Variants in CD44 observed in about 807,000 individuals in gnomAD.
The protein encoded by CD44 is CD44 antigen.
A neutral mutation model predicts 88.8 loss-of-function variants in CD44; 49 were observed. The ratio of observed to expected loss-of-function variants is 0.55; its 90% CI spans 0.44 to 0.70. CD44 has a LOEUF of 0.70. CD44 is among the 30% of genes least tolerant of loss of function. The probability of loss-of-function intolerance (pLI) is 0.00; values close to 1 mark genes in which losing one functional copy is unlikely to be tolerated. For synonymous variants in CD44, 325 were observed against 312.3 expected, an observed-to-expected ratio of 1.04 and a Z score of -0.43; for missense variants, 883 against 913.8, an observed-to-expected ratio of 0.97 and a Z score of 0.43.
chr11:35,165,915 C>T (rs1943212600), intron 1 of CD44, among the ~76,000 whole-genome samples: 1 of 152,140 alleles, frequency 6.6e-6, no homozygotes. Flanking sequence ...CATCCTACCT[C>T]AACTGTTACG....
Position 35,176,613 on chromosome 11 carries a change from G to A in CD44, c.106G>A (p.Val36Met), listed in dbSNP as rs989971374. ...ITCRFAGVFH[V>M]EKNGRYSISR... ...CTGCCGCTTTGCAGGTGTATTCCAC[G>A]TGGAGAAAAATGGTCGCTACAGCAT... The change falls in exon 2 of 18, where the codon GTG becomes ATG. Residue 36 changes from valine (V) to methionine (M), a missense_variant. By Grantham distance (21) the Val-to-Met change is conservative (BLOSUM62 1). This residue lies in a region of CD44 where 252 missense variants were observed against 322.9 expected (regional missense o/e 0.78). Coordinates refer to ENST00000428726, the MANE Select transcript of CD44 (RefSeq NM_000610.4). The A allele has an allele frequency of 6.2e-7, 1 of 1,613,982 alleles. No homozygotes were observed. Among genetic ancestry groups the A allele is most frequent in the Admixed American group, 1.7e-5 (1 of 59,984 alleles).
At chr11:35,176,264 G>T (rs1405928185) in intron 1 of CD44, among the ~76,000 whole-genome samples, 2 of 151,862 alleles carry the variant, frequency 1.3e-5, no homozygotes, top group South Asian at 4.2e-4. Context: ...GGATGGTCTC[G>T]ATCTCCTGAC....
intron 1 of CD44, among the ~76,000 whole-genome samples, chr11:35,155,946 G>A (rs896736615): frequency 6.6e-6 from 1 of 152,118 alleles, no homozygotes; most frequent in African/African-American, 2.4e-5. Flanking sequence ...CCTCCTGTAT[G>A]GGATGAAAGT....
intron 11 of CD44, among the ~76,000 whole-genome samples, chr11:35,207,902 G>A (rs889539123): frequency 3.9e-5 from 6 of 152,174 alleles, no homozygotes; most frequent in East Asian, 3.9e-4. Flanking sequence ...CATATAACTC[G>A]GCCCTTCAAG....
At chr11:35,154,471 A>C (rs1344241668) in intron 1 of CD44, among the ~76,000 whole-genome samples, 1 of 152,268 alleles carries the variant, frequency 6.6e-6, no homozygotes. Context: ...ACAAAAACAA[A>C]AACATCATTT....
chr11:35,195,993 A>G (rs1183873748), intron 5 of CD44, among the ~76,000 whole-genome samples: 1 of 152,146 alleles, frequency 6.6e-6, no homozygotes, highest in African/African-American at 2.4e-5. Context: ...TTGGATTGCT[A>G]AGATTATGTA....
At chr11:35,162,311 G>A (rs1418985899) in intron 1 of CD44, among the ~76,000 whole-genome samples, 2 of 152,164 alleles carry the variant, frequency 1.3e-5, no homozygotes, top group Non-Finnish European at 2.9e-5. Flanking sequence ...GAAAGAATGG[G>A]CTTTTGCGAG....
chr11:35,176,515 T>G, intron 1 of CD44, 60 bp from the exon 2 acceptor site: 1 of 1,524,588 alleles, frequency 6.6e-7, no homozygotes, highest in Non-Finnish European at 9.0e-7. Flanking sequence ...TAAACTGAAC[T>G]TATTACTGTC....
intron 1 of CD44, among the ~76,000 whole-genome samples, chr11:35,169,624 C>G (rs967264355): frequency 5.9e-5 from 9 of 152,242 alleles, no homozygotes; most frequent in Non-Finnish European, 1.2e-4. Flanking sequence ...ACAGTGCTCT[C>G]TTCCCAGCAC....
intron 1 of CD44, among the ~76,000 whole-genome samples, chr11:35,175,090 A>C (rs1047998840): frequency 9.2e-5 from 14 of 152,108 alleles, no homozygotes; most frequent in Non-Finnish European, 1.9e-4. Flanking sequence ...AAAATGAACC[A>C]CCTATGTGAC....
intron 3 of CD44, among the ~76,000 whole-genome samples, chr11:35,183,868 A>G (rs773189934): frequency 2.6e-5 from 4 of 152,164 alleles, no homozygotes; most frequent in Non-Finnish European, 4.4e-5. Flanking sequence ...TTGTTTATCC[A>G]TTTCCTCCTT....
chr11:35,148,016 G>A (rs921428134), intron 1 of CD44, among the ~76,000 whole-genome samples: 8 of 151,902 alleles, frequency 5.3e-5, no homozygotes, highest in Admixed American at 1.3e-4. Flanking sequence ...ACTTGAACCC[G>A]GGAGGCAGAG....
intron 1 of CD44, 142 bp from the exon 2 acceptor site, chr11:35,176,433 C>T: frequency 1.6e-6 from 1 of 632,128 alleles, no homozygotes. Context: ...CCACCTCGGC[C>T]TCCCAAAGTG....
At chr11:35,203,266 A>T (rs900569983) in intron 9 of CD44, among the ~76,000 whole-genome samples, 3 of 151,862 alleles carry the variant, frequency 2.0e-5, no homozygotes, top group African/African-American at 7.3e-5. Flanking sequence ...ATGGGTACTT[A>T]AAAAAATCAT....
intron 1 of CD44, among the ~76,000 whole-genome samples, chr11:35,141,372 G>T (rs142626505): frequency 1.3e-5 from 2 of 152,328 alleles, no homozygotes; most frequent in Admixed American, 1.3e-4. Flanking sequence ...TTCCAAAAGG[G>T]ACTGGAGCTC....
At chr11:35,157,617 C>A (rs139185567) in intron 1 of CD44, among the ~76,000 whole-genome samples, 8 of 152,208 alleles carry the variant, frequency 5.3e-5, no homozygotes, top group African/African-American at 1.4e-4. Context: ...AATACACAGG[C>A]CACATCTTCT....
intron 1 of CD44, among the ~76,000 whole-genome samples, chr11:35,147,844 T>C (rs887217401): frequency 1.3e-5 from 2 of 152,050 alleles, no homozygotes; most frequent in Non-Finnish European, 2.9e-5. Context: ...ATCCCAGCAC[T>C]TTGGGAGGCC....
chr11:35,179,274 A>T (rs1238803550), intron 2 of CD44, among the ~76,000 whole-genome samples: 1 of 151,960 alleles, frequency 6.6e-6, no homozygotes, highest in Non-Finnish European at 1.5e-5. Flanking sequence ...ATTTTGAAAA[A>T]CCTGCTGGAT....
chr11:35,196,786 C>A lies in CD44; in HGVS notation c.708C>A (p.Thr236=), dbSNP rs765856853. The A allele has an allele frequency of 3.1e-6, 5 of 1,613,792 alleles. No homozygotes were observed. In the East Asian group the frequency reaches 1.1e-4, roughly 36 times the overall value. ...GTGCTACAGCAACTGAGACAGCAAC[C>A]AAGAGGCAAGAAACCTGGGATTGGT... ...STSATATETA[T]KRQETWDWFS... The change falls in exon 6 of 18, where the codon ACC becomes ACA. Residue 236 remains threonine, a synonymous_variant. Coordinates refer to ENST00000428726, the MANE Select transcript of CD44 (RefSeq NM_000610.4).
Sources: gnomAD v4.1 joint callset for allele counts (sites outside exome capture counted in the v4.1 genomes callset) on GRCh38, gnomAD v4.1.1 for gene constraint, gnomAD v4.1.1 regional missense constraint, MANE v1.5 for transcripts, NCBI Gene and HGNC (gene_info 2026-07-23, HGNC 2026-07-21) for gene names.